Variants in EEF1G observed in about 807,000 individuals in gnomAD.
EEF1G encodes elongation factor 1-gamma.
EEF1G carries 14 observed loss-of-function variants against 58.3 expected under a neutral mutation model. The observed-to-expected ratio is 0.24, with a 90% CI of 0.16 to 0.38. EEF1G has a LOEUF of 0.38. Ranked by LOEUF, EEF1G falls within the 10% of genes least tolerant of loss-of-function variation. The pLI is 1.00. For missense variants in EEF1G, 322 were observed against 550.1 expected (o/e 0.59, Z 4.15); for synonymous variants, 180 against 206.8 (o/e 0.87, Z 1.11).
chr11:62,562,442 G>A (rs1012585181), intron 7 of EEF1G, among the ~76,000 whole-genome samples: 1 of 152,084 alleles, frequency 6.6e-6, no homozygotes, highest in Non-Finnish European at 1.5e-5. Context: ...TATGCTGACT[G>A]AAGAAAATCA....
intron 6 of EEF1G, 127 bp downstream of exon 6, chr11:62,567,272 A>C (rs1185379615): frequency 1.6e-6 from 2 of 1,275,972 alleles, no homozygotes; most frequent in Non-Finnish European, 2.1e-6. Flanking sequence ...AATATTAGCT[A>C]CCACATTGAC....
intron 5 of EEF1G, among the ~76,000 whole-genome samples, chr11:62,569,149 C>A (rs116502747): frequency 0.024 from 3,714 of 152,150 alleles, 98 homozygotes; most frequent in African/African-American, 0.063. Context: ...AAAGAACATT[C>A]AAAGAAAATA....
At chr11:62,561,627 A>G (rs1941494630) in intron 7 of EEF1G, among the ~76,000 whole-genome samples, 1 of 143,420 alleles carries the variant, frequency 7.0e-6, no homozygotes, top group Non-Finnish European at 1.5e-5. Flanking sequence ...CCGAAATTGC[A>G]CTCCAGCCTG....
At position 62,571,480 on chromosome 11, in the gene EEF1G, C is replaced by G. The variant is rs188789759; in HGVS notation, c.378+60G>C. On this transcript the variant is annotated intron_variant, in intron 4 of 9. Transcript: ENST00000329251. ...TTCAACCTATTTTATTTCTTACTCC[C>G]AACACCCAGGAGCTGATGCCACCCC... 8.8e-5 allele frequency: 135 copies of G among 1,531,328 alleles called. No individual in the cohort carries two copies. In the East Asian group the frequency reaches 2.9e-3, roughly 33 times the overall value. 94.9% of individuals were successfully genotyped at this position (1,531,328 alleles called of 1,614,324 possible).
At chr11:62,568,791 G>A (rs1000147208) in intron 5 of EEF1G, among the ~76,000 whole-genome samples, 15 of 151,698 alleles carry the variant, frequency 9.9e-5, no homozygotes, top group Non-Finnish European at 1.5e-5. Flanking sequence ...TGGCAAACAT[G>A]GTGAAACCCC....
Position 62,563,288 on chromosome 11 carries a change from G to A in EEF1G, c.858-2834C>T, listed in dbSNP as rs536628107. On this transcript the variant is annotated intron_variant, in intron 7 of 9. Transcript: ENST00000329251. Reference sequence around the variant, plus strand: ...ACTACAGGCGCCTGCTACCGCCCCCGGCTAATTTTTTGTACTTTTTGTATT... The same window carrying A: ...ACTACAGGCGCCTGCTACCGCCCCCAGCTAATTTTTTGTACTTTTTGTATT... Among the ~76,000 whole-genome samples, 18 of 151,802 alleles carry A rather than the reference G, an allele frequency of 1.2e-4. 1 individual carries two copies. The highest frequency in any genetic ancestry group is 3.9e-4 in the African/African-American group (16 of 41,458).
intron 3 of EEF1G, 40 bp from the exon 4 acceptor site, chr11:62,571,722 T>C: frequency 6.3e-7 from 1 of 1,575,460 alleles, no homozygotes; most frequent in Non-Finnish European, 8.6e-7. Flanking sequence ...TCTGGGGGAA[T>C]GCCAACACCA....
At chr11:62,559,895 T>C (rs1941476265) in intron 9 of EEF1G, 58 bp from the exon 10 acceptor site, 12 of 1,612,914 alleles carry the variant, frequency 7.4e-6, no homozygotes, top group Non-Finnish European at 9.3e-6. Context: ...ACACCTGTGT[T>C]ACTTCCAGCT....
intron 5 of EEF1G, among the ~76,000 whole-genome samples, chr11:62,568,004 C>T (rs145221532): frequency 6.6e-6 from 1 of 150,894 alleles, no homozygotes; most frequent in Non-Finnish European, 1.5e-5. Context: ...CCGAGGCGGG[C>T]GGATCACGAG....
At chr11:62,564,744 G>A (rs1316914714) in intron 7 of EEF1G, among the ~76,000 whole-genome samples, 1 of 113,164 alleles carries the variant, frequency 8.8e-6, no homozygotes, top group East Asian at 3.2e-4. Context: ...GGGCGACAGA[G>A]CCAGACTCCA....
chr11:62,570,926 C>G, intron 5 of EEF1G, 39 bp downstream of exon 5: 1 of 1,612,928 alleles, frequency 6.2e-7, no homozygotes, highest in Non-Finnish European at 8.5e-7. Context: ...TTCTAATCCC[C>G]ATCTACCCAC....
In EEF1G at chr11:62,573,886, C is replaced by T. The variant is rs778668475; in HGVS notation, c.-44G>A. 7 of 1,613,210 alleles carry T rather than the reference C, an allele frequency of 4.3e-6. No homozygotes were observed. The East Asian group carries it at 1.1e-4, about 26-fold the overall frequency. On this transcript the variant is annotated 5_prime_UTR_variant, in exon 1 of 10. Coordinates refer to ENST00000329251, the MANE Select transcript of EEF1G (RefSeq NM_001404.5). ...GGGGGTGGGGTTCTCGGCGCTGCCG[C>T]AAAGTAAGCCGCCCGGGAGAGAAGG...
intron 3 of EEF1G, 33 bp from the exon 4 acceptor site, chr11:62,571,715 G>C (rs1941633487): frequency 1.3e-6 from 2 of 1,577,134 alleles, no homozygotes; most frequent in African/African-American, 2.7e-5. Context: ...TCAGAACTCT[G>C]GGGGAATGCC....
Position 62,572,568 on chromosome 11 carries a change from C to T in EEF1G, c.171+16G>A. ...GTTTCTCAGAACCGAAGGATGCTCC[C>T]CATCTCCCAACTCACCTTGCCGGCA... On this transcript the variant is annotated intron_variant, in intron 2 of 9. Coordinates refer to ENST00000329251, the MANE Select transcript of EEF1G (RefSeq NM_001404.5). 1 of 1,611,764 alleles carries T rather than the reference C, an allele frequency of 6.2e-7. No homozygotes were observed. Among genetic ancestry groups the T allele is most frequent in the Non-Finnish European group, 8.5e-7 (1 of 1,179,696 alleles).
intron 4 of EEF1G, 28 bp downstream of exon 4, chr11:62,571,512 T>C (rs1275303165): frequency 6.3e-7 from 1 of 1,579,560 alleles, no homozygotes; most frequent in Non-Finnish European, 8.6e-7. Context: ...CCCCTGCCCC[T>C]GGCTTCTCTC....
intron 9 of EEF1G, 38 bp from the exon 10 acceptor site, chr11:62,559,875 A>G (rs1941476048): frequency 1.2e-6 from 2 of 1,613,436 alleles, no homozygotes; most frequent in Non-Finnish European, 1.7e-6. Context: ...AAGTTATGAG[A>G]CACCACCCCA....
chr11:62,567,663 A>G, intron 5 of EEF1G, 135 bp from the exon 6 acceptor site: 1 of 819,036 alleles, frequency 1.2e-6, no homozygotes, highest in African/African-American at 1.8e-5. Flanking sequence ...GCTTCATACA[A>G]CATCATCCTT....
In EEF1G at chr11:62,573,863, G is replaced by T. The variant is rs370202672; in HGVS notation, c.-21C>A. Reference sequence around the variant, plus strand: ...GCCATGGTGATTCCGCAAAGAAAGGGGGTGGGGTTCTCGGCGCTGCCGCAA... The same window carrying T: ...GCCATGGTGATTCCGCAAAGAAAGGTGGTGGGGTTCTCGGCGCTGCCGCAA... On this transcript the variant is annotated 5_prime_UTR_variant, in exon 1 of 10. Coordinates refer to ENST00000329251, the MANE Select transcript of EEF1G (RefSeq NM_001404.5). 1.6e-5 allele frequency: 26 copies of T among 1,613,624 alleles called. No individual in the cohort carries two copies. The highest frequency in any genetic ancestry group is 2.1e-5 in the Non-Finnish European group (25 of 1,179,866).
intron 1 of EEF1G, chr11:62,573,571 C>G (rs1941664323): frequency 1.7e-6 from 1 of 587,652 alleles, no homozygotes; most frequent in South Asian, 2.1e-5. Context: ...AGAGCCGAAC[C>G]CCTTTCTCAG....
Sources: allele counts gnomAD v4.1 joint callset (sites outside exome capture counted in the v4.1 genomes callset), GRCh38; gene constraint gnomAD v4.1.1; transcripts MANE v1.5; gene names NCBI Gene and HGNC (gene_info 2026-07-23, HGNC 2026-07-21).